Variants in YWHAE observed in about 807,000 individuals in gnomAD.
The protein encoded by YWHAE is tyrosine 3-monooxygenase/tryptophan 5-monooxygenase activation protein epsilon.
Under a neutral mutation model 30.1 loss-of-function variants are expected in YWHAE, and 4 were observed. That is an observed-to-expected ratio of 0.13 (90% CI 0.07 to 0.30). The LOEUF (loss-of-function observed/expected upper bound fraction) is 0.30. Among genes scored for constraint, YWHAE ranks in the 10% least tolerant of loss-of-function variants. The pLI, the probability that YWHAE is intolerant of heterozygous loss-of-function variation, is 1.00. For missense variants in YWHAE, 121 were observed against 315.9 expected (o/e 0.38, Z 4.68); for synonymous variants, 118 against 111.8 (o/e 1.06, Z -0.35).
intron 1 of YWHAE, among the ~76,000 whole-genome samples, chr17:1,385,793 C>T (rs1390043153): frequency 2.0e-5 from 3 of 152,088 alleles, no homozygotes; most frequent in African/African-American, 7.2e-5. Context: ...CAACACTATT[C>T]AGAGAGAAGC....
chr17:1,379,108 TAA>T (rs2073167601), intron 1 of YWHAE, among the ~76,000 whole-genome samples: 1 of 152,224 alleles, frequency 6.6e-6, no homozygotes, highest in African/African-American at 2.4e-5. Flanking sequence ...GAAGCCTGCT[TAA>T]AGTTTGCGAT....
At chr17:1,367,053 T>A (rs1253250228) in intron 1 of YWHAE, among the ~76,000 whole-genome samples, 4 of 152,100 alleles carry the variant, frequency 2.6e-5, no homozygotes, top group African/African-American at 7.2e-5. Context: ...ATAAAAAAAA[T>A]TAAGCCATAT....
At chr17:1,399,070 T>C (rs550261309) in intron 1 of YWHAE, 1 of 152,196 alleles carries the variant, frequency 6.6e-6, no homozygotes, top group South Asian at 2.1e-4. Flanking sequence ...TAACTTTATT[T>C]CAACAGGTCT....
At chr17:1,386,204 G>A (rs1029464717) in intron 1 of YWHAE, among the ~76,000 whole-genome samples, 1 of 152,124 alleles carries the variant, frequency 6.6e-6, no homozygotes, top group African/African-American at 2.4e-5. Flanking sequence ...CTTTAAAGAG[G>A]TTTTTCAATT....
intron 2 of YWHAE, among the ~76,000 whole-genome samples, chr17:1,362,894 T>C (rs928387723): frequency 6.6e-6 from 1 of 152,166 alleles, no homozygotes; most frequent in African/African-American, 2.4e-5. Context: ...TCCTAGCTCC[T>C]TGCATACTCA....
intron 1 of YWHAE, 108 bp from the exon 2 acceptor site, chr17:1,365,166 C>CA: frequency 8.3e-7 from 1 of 1,209,760 alleles, no homozygotes; most frequent in Non-Finnish European, 1.1e-6. Flanking sequence ...AACATTTTAA[C>CA]AAAAATAATT....
At chr17:1,388,562 A>G (rs1291762931) in intron 1 of YWHAE, among the ~76,000 whole-genome samples, 1 of 138,488 alleles carries the variant, frequency 7.2e-6, no homozygotes, top group African/African-American at 2.8e-5. Flanking sequence ...GCATGAGCAA[A>G]CCATGCCCAG....
intron 1 of YWHAE, among the ~76,000 whole-genome samples, chr17:1,374,158 C>T (rs1437792511): frequency 1.3e-5 from 2 of 151,696 alleles, no homozygotes; most frequent in African/African-American, 2.4e-5. Context: ...ACTAAAAATA[C>T]AAAAATTAGG....
At chr17:1,356,480 A>C (rs1237847139) in intron 4 of YWHAE, among the ~76,000 whole-genome samples, 1 of 152,238 alleles carries the variant, frequency 6.6e-6, no homozygotes, top group African/African-American at 2.4e-5. Context: ...GGAGAAAACA[A>C]AACACACTTC....
chr17:1,395,706 ACTAC>A (rs139909459), intron 1 of YWHAE, among the ~76,000 whole-genome samples: 1,763 of 152,304 alleles, frequency 0.012, 30 homozygotes, highest in African/African-American at 0.04. Context: ...TTAATTTACT[ACTAC>A]CTATTTTTTT....
intron 1 of YWHAE, among the ~76,000 whole-genome samples, chr17:1,373,619 G>T (rs1000754061): frequency 4.0e-5 from 6 of 151,688 alleles, no homozygotes; most frequent in African/African-American, 1.5e-4. Flanking sequence ...AGTGAGTAGA[G>T]ATCGTGGCAC....
intron 2 of YWHAE, among the ~76,000 whole-genome samples, chr17:1,363,318 T>A (rs1185923449): frequency 2.0e-5 from 3 of 152,164 alleles, no homozygotes; most frequent in Non-Finnish European, 4.4e-5. Flanking sequence ...CTGGATGGAG[T>A]GCAGTGGCTC....
In YWHAE at chr17:1,355,115, T is replaced by TAAC. The variant is rs2072712838; in HGVS notation, c.579-769_579-768insGTT. Among the ~76,000 whole-genome samples the TAAC allele has an allele frequency of 9.1e-4, 66 of 72,366 alleles. 5 individuals are homozygous for TAAC. Among genetic ancestry groups the TAAC allele is most frequent in the African/African-American group, 3.4e-3 (64 of 18,828 alleles). 47.5% of individuals were successfully genotyped at this position (72,366 alleles called of 152,430 possible). ...TACACACTACCACCCCCAAGATTTTTTAAAAAAAAAAAAAAAAAAAAAAAA... is the reference window on the plus strand; with the variant it reads ...TACACACTACCACCCCCAAGATTTTTAACTAAAAAAAAAAAAAAAAAAAAAAAA... On this transcript the variant is annotated intron_variant, in intron 4 of 5. Transcript: ENST00000264335.
In YWHAE at chr17:1,354,213, T is replaced by C; in HGVS notation, c.713A>G (p.Asp238Gly). The C allele has an allele frequency of 6.2e-7, 1 of 1,613,090 alleles. No homozygotes were observed. Among genetic ancestry groups the C allele is most frequent in the Non-Finnish European group, 8.5e-7 (1 of 1,179,632 alleles). Residue 238 changes from aspartate (D) to glycine (G), a missense_variant and splice_region_variant, in exon 5 of 6, where the codon GAC becomes GGC. Asp to Gly is a moderately conservative substitution (Grantham distance 94). Coordinates refer to ENST00000264335, the MANE Select transcript of YWHAE (RefSeq NM_006761.5). ...TGTTTCACTCCGTGCTTGCTTACCG[T>C]CACCCTGCATGTCTGAAGTCCATAG... ...LTLWTSDMQG[D>G]GEEQNKEALQ...
Position 1,361,173 on chromosome 17 carries a change from G to A in YWHAE, c.497C>T (p.Thr166Met), listed in dbSNP as rs2072858424. The A allele has an allele frequency of 6.2e-7, 1 of 1,614,120 alleles. No homozygotes were observed. Reference protein sequence around the residue: ...SDIAMTELPPTHPIRLGLALN... With the variant: ...SDIAMTELPPMHPIRLGLALN... ...AGCAAGACCTAAGCGAATAGGATGC[G>A]TTGGTGGAAGTTCTGTCATTGCAAT... Residue 166 changes from threonine (T) to methionine (M), a missense_variant, in exon 4 of 6, where the codon ACG (threonine) becomes ATG (methionine). Physicochemically the swap from Thr to Met is moderately conservative, Grantham distance 81. Around this residue, in one of 2 missense-constraint regions of YWHAE, gnomAD observed 99 missense variants for 289.3 expected, o/e 0.34. Coordinates refer to ENST00000264335, the MANE Select transcript of YWHAE (RefSeq NM_006761.5).
intron 5 of YWHAE, among the ~76,000 whole-genome samples, chr17:1,352,539 T>G (rs1387182970): frequency 3.3e-5 from 5 of 152,140 alleles, no homozygotes; most frequent in Non-Finnish European, 7.4e-5. Context: ...CTTTTTTTTT[T>G]TTTTAGATGG....
At chr17:1,396,769 G>A (rs1372019357) in intron 1 of YWHAE, among the ~76,000 whole-genome samples, 2 of 151,692 alleles carry the variant, frequency 1.3e-5, no homozygotes, top group Non-Finnish European at 2.9e-5. Flanking sequence ...GGGATTACAG[G>A]CACCCACCAC....
chr17:1,357,962 A>C (rs1365539465), intron 4 of YWHAE, among the ~76,000 whole-genome samples: 2 of 152,076 alleles, frequency 1.3e-5, no homozygotes, highest in Non-Finnish European at 2.9e-5. Context: ...CAATAGCAAA[A>C]AACAACAACA....
intron 1 of YWHAE, among the ~76,000 whole-genome samples, chr17:1,383,449 A>G (rs62087954): frequency 0.077 from 11,204 of 146,072 alleles, 494 homozygotes; most frequent in African/African-American, 0.11. Flanking sequence ...GTGCAGTGGC[A>G]CAATTTCAGC....
Sources: gnomAD v4.1 joint callset for allele counts (sites outside exome capture counted in the v4.1 genomes callset) on GRCh38, gnomAD v4.1.1 for gene constraint, gnomAD v4.1.1 regional missense constraint, MANE v1.5 for transcripts, NCBI Gene and HGNC (gene_info 2026-07-23, HGNC 2026-07-21) for gene names.